Variants in VAV2 observed in about 807,000 individuals in gnomAD.
VAV2 encodes guanine nucleotide exchange factor VAV2.
A neutral mutation model predicts 132.5 loss-of-function variants in VAV2; 67 were observed. The observed-to-expected ratio is 0.51, with a 90% CI of 0.42 to 0.62. The LOEUF (loss-of-function observed/expected upper bound fraction) is 0.62, where lower values mean the gene tolerates loss of function less well. Among genes scored for constraint, VAV2 ranks in the 20% least tolerant of loss-of-function variants. VAV2 has a pLI of 0.00. For synonymous variants in VAV2, 492 were observed against 443.5 expected (o/e 1.11, Z -1.37); for missense variants, 938 against 1,153.6 (o/e 0.81, Z 2.71).
In VAV2 at chr9:133,794,662, G is replaced by C. The variant is rs866327537; in HGVS notation, c.1101+1006C>G. Among the ~76,000 whole-genome samples the C allele has an allele frequency of 2.6e-5, 4 of 152,202 alleles. No homozygotes were observed. The highest frequency in any genetic ancestry group is 5.9e-5 in the Non-Finnish European group (4 of 68,018). The stretch of plus-strand genomic sequence containing the variant: ...CAGAGGGCAGGACTGCAGCCCTGAG[G>C]GGGGCTGGCAGAGGTGTCCTGTGCT... On this transcript the variant is annotated intron_variant, in intron 12 of 29. Coordinates refer to ENST00000371850, the MANE Select transcript of VAV2 (RefSeq NM_001134398.2). This position sits in a 1 kb window ranked among gnomAD's most constrained non-coding sequence, Gnocchi z 4.6.
chr9:133,872,536 G>A lies in VAV2; in HGVS notation c.322-11104C>T, dbSNP rs540044670. Among the ~76,000 whole-genome samples the A allele has an allele frequency of 7.2e-4, 103 of 143,598 alleles. 2 individuals carry two copies. Among genetic ancestry groups the A allele is most frequent in the African/African-American group, 2.7e-3 (96 of 35,690 alleles). 94.2% of individuals were successfully genotyped at this position (143,598 alleles called of 152,430 possible). A position where few individuals can be genotyped will look rare whatever the true frequency, so the allele number is the denominator to read the frequency against. ...TTGAAGGGTCGGGGTCCTAGGCCCA[G>A]TTCCCGACACCTCCAGAGGAAACCC... On this transcript the variant is annotated intron_variant, in intron 2 of 29. Coordinates refer to ENST00000371850, the MANE Select transcript of VAV2 (RefSeq NM_001134398.2).
intron 2 of VAV2, among the ~76,000 whole-genome samples, chr9:133,895,934 T>TAACG (rs1195317034): frequency 7.4e-6 from 1 of 134,688 alleles, no homozygotes; most frequent in South Asian, 2.6e-4. Flanking sequence ...AAATCTTTTT[T>TAACG]TTTTTTTTTT....
chr9:133,790,465 C>A (rs373886717), intron 13 of VAV2, among the ~76,000 whole-genome samples: 1 of 152,192 alleles, frequency 6.6e-6, no homozygotes, highest in Non-Finnish European at 1.5e-5. Flanking sequence ...GCATGACCAC[C>A]GCGCCCAGCC....
intron 19 of VAV2, 24 bp downstream of exon 19, chr9:133,783,479 T>TG (rs750619903): frequency 4.4e-5 from 65 of 1,476,780 alleles, no homozygotes; most frequent in Non-Finnish European, 5.4e-5. Flanking sequence ...GGGACTGGGG[T>TG]GGGGGGGTGA....
At position 133,763,180 on chromosome 9, in the gene VAV2, G is replaced by A. The variant is rs1833318157; in HGVS notation, c.*882C>T. 6.6e-6 allele frequency: 1 copy of A among 152,414 alleles called. No homozygotes were observed. Among genetic ancestry groups the A allele is most frequent in the African/African-American group, 2.4e-5 (1 of 41,420 alleles). 9.4% of individuals were successfully genotyped at this position (152,414 alleles called of 1,614,324 possible). On this transcript the variant is annotated 3_prime_UTR_variant, in exon 30 of 30. Transcript: ENST00000371850. The surrounding 1 kb of genome is among the most constrained non-coding windows in gnomAD (Gnocchi z 6.8). ...GAGAGCAGAGGGGCCTCCTGGAGAG[G>A]GACCTGGCAGGGATCTAGAGAGGGG...
intron 2 of VAV2, among the ~76,000 whole-genome samples, chr9:133,898,102 TA>T (rs1839285426): frequency 7.9e-4 from 4 of 5,032 alleles, no homozygotes; most frequent in South Asian, 0.024. Context: ...TCTTCCAACA[TA>T]CTGCATCCGG....
rs182210133 is a variant in VAV2, at chr9:133,911,963, G to A, written c.321+27140C>T. On this transcript the variant is annotated intron_variant, in intron 2 of 29. Coordinates refer to ENST00000371850, the MANE Select transcript of VAV2 (RefSeq NM_001134398.2). ...CCAACTTTTAAGTTCAGGGGTACAC[G>A]TGCAGGATGTGCAGGTGTGTTCCAT... Among the ~76,000 whole-genome samples, 45 of 152,250 alleles carry A rather than the reference G, an allele frequency of 3.0e-4. 1 individual carries two copies. The highest frequency in any genetic ancestry group is 3.4e-3 in the Middle Eastern group (1 of 294).
In VAV2 at chr9:133,834,359, G is replaced by A; in HGVS notation, c.381-19C>T. 6.2e-7 allele frequency: 1 copy of A among 1,608,974 alleles called. No individual in the cohort carries two copies. ...AAAAGGCCTGCGGAAGAGAAGGCGAGAGGGAGGTGAGCAGGTCCCGGCACT... is the reference window on the plus strand; with the variant it reads ...AAAAGGCCTGCGGAAGAGAAGGCGAAAGGGAGGTGAGCAGGTCCCGGCACT... On this transcript the variant is annotated intron_variant, in intron 3 of 29. Coordinates refer to ENST00000371850, the MANE Select transcript of VAV2 (RefSeq NM_001134398.2). The surrounding 1 kb of genome is among the most constrained non-coding windows in gnomAD (Gnocchi z 5.9).
At chr9:133,891,682 A>C (rs1245503596) in intron 2 of VAV2, among the ~76,000 whole-genome samples, 1 of 27,294 alleles carries the variant, frequency 3.7e-5, no homozygotes. Flanking sequence ...GATGAAGAGG[A>C]GGAATGGAAG....
Position 133,991,875 on chromosome 9 carries a change from A to G in VAV2, c.204+200T>C, listed in dbSNP as rs1376049628. ...CGGCGGCGCGACCCAGGCTGAGGGG[A>G]CTTTGGCCAACTTCGCGCCTCCTGA... On this transcript the variant is annotated intron_variant, in intron 1 of 29. Transcript: ENST00000371850. The surrounding 1 kb of genome is among the most constrained non-coding windows in gnomAD (Gnocchi z 4.8). Among the ~76,000 whole-genome samples, 1 of 149,840 alleles carries G rather than the reference A, an allele frequency of 6.7e-6. No homozygotes were observed. Among genetic ancestry groups the G allele is most frequent in the African/African-American group, 2.4e-5 (1 of 40,838 alleles).
Position 133,865,943 on chromosome 9 carries a change from T to C in VAV2, c.322-4511A>G, listed in dbSNP as rs180803869. Among the ~76,000 whole-genome samples the C allele has an allele frequency of 1.3e-3, 197 of 152,340 alleles. 2 individuals are homozygous for C. The highest frequency in any genetic ancestry group is 5.0e-3 in the East Asian group (26 of 5,186). ...CCATGCCTGGTGCCAAAGCAGGGTGTATCCTGCCAGAGACTGTTTCCCTGC... is the reference window on the plus strand; with the variant it reads ...CCATGCCTGGTGCCAAAGCAGGGTGCATCCTGCCAGAGACTGTTTCCCTGC... On this transcript the variant is annotated intron_variant, in intron 2 of 29. Transcript: ENST00000371850.
intron 3 of VAV2, among the ~76,000 whole-genome samples, chr9:133,838,727 G>A (rs1282985385): frequency 1.4e-4 from 20 of 145,150 alleles, no homozygotes; most frequent in African/African-American, 5.1e-4. Context: ...GGATGGGTGG[G>A]TGGATGAATG....
chr9:133,811,652 C>T (rs1226399560), intron 5 of VAV2, among the ~76,000 whole-genome samples: 3 of 152,234 alleles, frequency 2.0e-5, no homozygotes, highest in Non-Finnish European at 4.4e-5. Flanking sequence ...ACATAAAAGA[C>T]GCACAGCTGG....
intron 2 of VAV2, among the ~76,000 whole-genome samples, chr9:133,927,042 T>C (rs970591846): frequency 6.9e-4 from 105 of 152,194 alleles, no homozygotes; most frequent in African/African-American, 2.5e-3. Context: ...CCACCCAGCA[T>C]CCAGTCCTTG....
At chr9:133,946,396 GC>G (rs1841360827) in intron 1 of VAV2, among the ~76,000 whole-genome samples, 1 of 152,228 alleles carries the variant, frequency 6.6e-6, no homozygotes, top group African/African-American at 2.4e-5. Context: ...AAGCAACAGG[GC>G]ACCACAGCTT....
intron 2 of VAV2, among the ~76,000 whole-genome samples, chr9:133,881,854 G>A (rs529594435): frequency 7.9e-5 from 12 of 152,328 alleles, no homozygotes; most frequent in Admixed American, 3.3e-4. Context: ...CTGGCATCAC[G>A]GCAACACTGG....
intron 3 of VAV2, among the ~76,000 whole-genome samples, chr9:133,844,046 C>T (rs943970615): frequency 5.3e-5 from 8 of 152,038 alleles, no homozygotes; most frequent in Non-Finnish European, 8.8e-5. Context: ...CCCAATCCAG[C>T]GAGGCTGTTT....
chr9:133,972,514 C>G (rs530528319), intron 1 of VAV2, among the ~76,000 whole-genome samples: 12 of 152,342 alleles, frequency 7.9e-5, no homozygotes, highest in Admixed American at 5.2e-4. Flanking sequence ...CGCTGGCTCC[C>G]GCAGACACAT....
At chr9:133,851,929 A>G (rs1564405701) in intron 3 of VAV2, among the ~76,000 whole-genome samples, 1 of 151,142 alleles carries the variant, frequency 6.6e-6, no homozygotes, top group Non-Finnish European at 1.5e-5. Flanking sequence ...GGATGGATGG[A>G]TGGATGGATG....
Sources: allele counts gnomAD v4.1 joint callset (sites outside exome capture counted in the v4.1 genomes callset), GRCh38; gene constraint gnomAD v4.1.1; non-coding constraint Gnocchi (gnomAD v3.1); transcripts MANE v1.5; gene names NCBI Gene and HGNC (gene_info 2026-07-23, HGNC 2026-07-21).